The following ROBO2 variants were observed in gnomAD, a reference collection of about 807,000 sequenced individuals.
ROBO2 encodes roundabout homolog 2.
Under a neutral mutation model 160.8 loss-of-function variants are expected in ROBO2, and 53 were observed. The ratio of observed to expected loss-of-function variants is 0.33; its 90% confidence interval spans 0.26 to 0.41. The LOEUF (loss-of-function observed/expected upper bound fraction) is 0.41. Among genes scored for constraint, ROBO2 ranks in the 10% least tolerant of loss-of-function variants. The pLI is 1.00. For synonymous variants in ROBO2, 664 were observed against 611.7 expected, an observed-to-expected ratio of 1.09 and a Z score of -1.26; for missense variants, 1,577 against 1,722.4, an observed-to-expected ratio of 0.92 and a Z score of 1.49.
chr3:77,484,492 C>A (rs2085091505), intron 4 of ROBO2, among the ~76,000 whole-genome samples: 1 of 141,754 alleles, frequency 7.1e-6, no homozygotes, highest in South Asian at 2.3e-4. Context: ...ATACAGGAAT[C>A]TCTTGCCCCA....
intron 2 of ROBO2, among the ~76,000 whole-genome samples, chr3:76,547,495 T>C (rs1043129950): frequency 6.6e-6 from 1 of 151,950 alleles, no homozygotes; most frequent in Non-Finnish European, 1.5e-5. Context: ...AAAATATCTA[T>C]GGAAGAAAAG....
chr3:76,382,192 T>C (rs1254937951), intron 2 of ROBO2, among the ~76,000 whole-genome samples: 1 of 152,182 alleles, frequency 6.6e-6, no homozygotes, highest in African/African-American at 2.4e-5. Context: ...GATCTTGAAC[T>C]CTTAGGTTTA....
At chr3:76,434,197 G>T in intron 2 of ROBO2, 1 of 1,104,880 alleles carries the variant, frequency 9.1e-7, no homozygotes, top group Non-Finnish European at 1.4e-6. Flanking sequence ...GAGACTGGGG[G>T]AGACGTGCAG....
At chr3:76,749,184 G>A (rs1046146957) in intron 2 of ROBO2, among the ~76,000 whole-genome samples, 1 of 151,570 alleles carries the variant, frequency 6.6e-6, no homozygotes, top group African/African-American at 2.4e-5. Context: ...TTTAGATTAT[G>A]TATCATTCTA....
At chr3:76,081,805 A>T (rs1222384680) in intron 2 of ROBO2, among the ~76,000 whole-genome samples, 1 of 151,578 alleles carries the variant, frequency 6.6e-6, no homozygotes, top group Non-Finnish European at 1.5e-5. Context: ...TTTGCCCTTT[A>T]TATGGAATAC....
chr3:76,547,171 A>C (rs2108304583), intron 2 of ROBO2, among the ~76,000 whole-genome samples: 2 of 152,154 alleles, frequency 1.3e-5, no homozygotes, highest in South Asian at 2.1e-4. Flanking sequence ...AAAGTGCATT[A>C]AAAATAAAGA....
intron 2 of ROBO2, among the ~76,000 whole-genome samples, chr3:77,160,968 T>C (rs992996693): frequency 6.6e-6 from 1 of 152,190 alleles, no homozygotes; most frequent in Admixed American, 6.5e-5. Context: ...GGATTCAGAA[T>C]ATGTAGAGTG....
intron 2 of ROBO2, among the ~76,000 whole-genome samples, chr3:77,181,888 A>G (rs1384035958): frequency 1.3e-5 from 2 of 152,116 alleles, no homozygotes; most frequent in African/African-American, 2.4e-5. Flanking sequence ...CAGCCATTAC[A>G]TAAGTAGGGA....
chr3:76,060,108 GT>G (rs11347851), intron 2 of ROBO2, among the ~76,000 whole-genome samples: 89,339 of 144,072 alleles, frequency 0.62, 26,682 homozygotes, highest in Middle Eastern at 0.73. Context: ...GCTAGAAAAT[GT>G]TTTTTTTTTT....
chr3:77,353,714 T>C (rs967003417), intron 2 of ROBO2, among the ~76,000 whole-genome samples: 3 of 152,136 alleles, frequency 2.0e-5, no homozygotes, highest in African/African-American at 7.2e-5. Flanking sequence ...TTTCACCATG[T>C]TGGCCAGGCT....
intron 2 of ROBO2, among the ~76,000 whole-genome samples, chr3:76,273,092 TACAC>T (rs1242068002): frequency 8.7e-5 from 7 of 80,372 alleles, no homozygotes; most frequent in Admixed American, 4.3e-4. Flanking sequence ...ATATATAAAA[TACAC>T]ACACATATAC....
chr3:77,518,326 A>C (rs1244482864), intron 5 of ROBO2, among the ~76,000 whole-genome samples: 1 of 151,484 alleles, frequency 6.6e-6, no homozygotes, highest in Non-Finnish European at 1.5e-5. Flanking sequence ...CTTTATATAT[A>C]TTCAAAGTAT....
At position 76,119,144 on chromosome 3, in the gene ROBO2, A is replaced by G. The variant is rs186283294; in HGVS notation, c.109+181542A>G. Among the ~76,000 whole-genome samples the G allele has an allele frequency of 1.8e-3, 277 of 152,284 alleles. 1 individual carries two copies. Among genetic ancestry groups the G allele is most frequent in the African/African-American group, 5.4e-3 (226 of 41,572 alleles). On this transcript the variant is annotated intron_variant, in intron 2 of 26. Transcript: ENST00000487694. ...ACGAGCTGTGTTAAATTGCTTATGTAAAGTAGGAAGGCTGTTTTTATTCAT... is the reference window on the plus strand; with the variant it reads ...ACGAGCTGTGTTAAATTGCTTATGTGAAGTAGGAAGGCTGTTTTTATTCAT...
chr3:77,186,210 G>T (rs2081276785), intron 2 of ROBO2, among the ~76,000 whole-genome samples: 1 of 151,812 alleles, frequency 6.6e-6, no homozygotes, highest in African/African-American at 2.4e-5. Flanking sequence ...AGTGTCATAG[G>T]AATAGGAGGT....
Position 76,261,202 on chromosome 3 carries a change from G to A in ROBO2, c.109+323600G>A, listed in dbSNP as rs865844495. Reference sequence around the variant, plus strand: ...TGTGTGTGTGTGTGTGTGTGTGTGTGTATATATATATATAAATGACAGCTT... The same window carrying A: ...TGTGTGTGTGTGTGTGTGTGTGTGTATATATATATATATAAATGACAGCTT... On this transcript the variant is annotated intron_variant, in intron 2 of 26. Coordinates refer to the ROBO2 transcript ENST00000487694. Among the ~76,000 whole-genome samples, 466 of 67,178 alleles carry A rather than the reference G, an allele frequency of 6.9e-3. 3 individuals are homozygous for A. Among genetic ancestry groups the A allele is most frequent in the South Asian group, 0.018 (31 of 1,688 alleles). 44.1% of individuals were successfully genotyped at this position (67,178 alleles called of 152,430 possible).
chr3:77,093,035 C>G (rs764970426), intron 1 of ROBO2, among the ~76,000 whole-genome samples: 45 of 152,018 alleles, frequency 3.0e-4, no homozygotes, highest in Non-Finnish European at 5.6e-4. Context: ...GTTACCACTT[C>G]CTCCTCCTCA....
At chr3:77,537,102 G>GGC (rs1229103223) in intron 6 of ROBO2, among the ~76,000 whole-genome samples, 1 of 143,920 alleles carries the variant, frequency 6.9e-6, no homozygotes, top group South Asian at 2.4e-4. Flanking sequence ...TATTTTGTGG[G>GGC]GGGGGGGTGT....
intron 5 of ROBO2, among the ~76,000 whole-genome samples, chr3:77,514,615 T>C (rs2089795254): frequency 6.6e-6 from 1 of 151,874 alleles, no homozygotes; most frequent in South Asian, 2.1e-4. Context: ...TTTCTCTAAG[T>C]TATTTACTGC....
At chr3:77,117,550 A>G (rs961825964) in intron 2 of ROBO2, among the ~76,000 whole-genome samples, 3 of 152,196 alleles carry the variant, frequency 2.0e-5, no homozygotes, top group Non-Finnish European at 4.4e-5. Flanking sequence ...ACTATATCTC[A>G]GTATAATTTT....
Sources: allele counts gnomAD v4.1 joint callset (sites outside exome capture counted in the v4.1 genomes callset), GRCh38; gene constraint gnomAD v4.1.1; transcripts MANE v1.5; gene names NCBI Gene and HGNC (gene_info 2026-07-23, HGNC 2026-07-21).